TRIB2: variants seen among roughly 807,000 people sequenced by gnomAD.
TRIB2 encodes tribbles homolog 2.
TRIB2 carries 2 observed loss-of-function variants against 26.8 expected under a neutral mutation model. The observed-to-expected ratio is 0.07, with a 90% CI of 0.03 to 0.24. The LOEUF is 0.24. TRIB2 is among the 10% of genes least tolerant of loss of function. TRIB2 has a pLI of 1.00. For synonymous variants in TRIB2, 189 were observed against 187.3 expected (o/e 1.01, Z -0.08); for missense variants, 306 against 449.0 (o/e 0.68, Z 2.88).
At position 12,721,939 on chromosome 2, in the gene TRIB2, G is replaced by A. The variant is rs147268616; in HGVS notation, c.271-1321G>A. Among the ~76,000 whole-genome samples the A allele has an allele frequency of 1.3e-3, 200 of 152,294 alleles. 1 individual carries two copies. The highest frequency in any genetic ancestry group is 4.7e-3 in the African/African-American group (194 of 41,576). The stretch of plus-strand genomic sequence containing the variant: ...AATCCGGTATCGTGCATGCATTTGA[G>A]AACGGGCATTGTCAGCTAAGAGGGA... On this transcript the variant is annotated intron_variant, in intron 1 of 2. Coordinates refer to ENST00000155926, the MANE Select transcript of TRIB2 (RefSeq NM_021643.4).
chr2:12,733,002 C>G (rs1182415304), intron 2 of TRIB2, among the ~76,000 whole-genome samples: 1 of 152,244 alleles, frequency 6.6e-6, no homozygotes, highest in African/African-American at 2.4e-5. Flanking sequence ...AGCTCAGCCC[C>G]ACCCTGGCCC....
In TRIB2 at chr2:12,718,315, T is replaced by G; in HGVS notation, c.8T>G (p.Ile3Arg). MNIHRSTPITIAR... is the reference protein window; with the variant it reads MNRHRSTPITIAR... The stretch of plus-strand genomic sequence containing the variant: ...TGTGCGATCCTCACACTCATGAACA[T>G]ACACAGGTCTACCCCCATCACAATA... The change falls in exon 1 of 3, where the codon ATA becomes AGA. Residue 3 changes from isoleucine (I) to arginine (R), a missense_variant. Physicochemically the swap from Ile to Arg is moderately conservative, Grantham distance 97. Coordinates refer to ENST00000155926, the MANE Select transcript of TRIB2 (RefSeq NM_021643.4). The surrounding 1 kb of genome is among the most constrained non-coding windows in gnomAD (Gnocchi z 4.0). 6.2e-7 allele frequency: 1 copy of G among 1,613,718 alleles called. No individual in the cohort carries two copies. The highest frequency in any genetic ancestry group is 2.2e-5 in the East Asian group (1 of 44,864).
At chr2:12,734,026 T>C (rs552077354) in intron 2 of TRIB2, among the ~76,000 whole-genome samples, 130 of 152,028 alleles carry the variant, frequency 8.6e-4, no homozygotes, top group East Asian at 1.6e-3. Flanking sequence ...TGGGCCGTCA[T>C]TGAGTACACA....
rs1661490424 is a variant in TRIB2, at chr2:12,733,053, GTT to G, written c.564-7271_564-7270del. ...CTTCCTGCCAAGGGCCCACAGTGCT[GTT>G]TAAAGATTGGAAAATACGGCATGAT... is the stretch of plus-strand genomic sequence containing the variant. On this transcript the variant is annotated intron_variant, in intron 2 of 2. Transcript: ENST00000155926. 5.3e-5 allele frequency among the ~76,000 whole-genome samples: 8 copies of G among 152,186 alleles called. No individual in the cohort carries two copies. The South Asian group carries it at 1.0e-3, about 20-fold the overall frequency.
At chr2:12,723,138 G>A (rs72781578) in intron 1 of TRIB2, 122 bp from the exon 2 acceptor site, 91 of 1,142,408 alleles carry the variant, frequency 8.0e-5, no homozygotes, top group Non-Finnish European at 1.1e-4. Context: ...TGTGGTCTGG[G>A]TCCAAGTTCA....
intron 1 of TRIB2, among the ~76,000 whole-genome samples, chr2:12,722,936 C>T (rs2103250294): frequency 6.6e-6 from 1 of 152,284 alleles, no homozygotes; most frequent in South Asian, 2.1e-4. Flanking sequence ...GGGCTAGAGA[C>T]AAAAGTAATG....
chr2:12,730,008 C>T (rs952901363), intron 2 of TRIB2, among the ~76,000 whole-genome samples: 3 of 152,046 alleles, frequency 2.0e-5, no homozygotes, highest in Non-Finnish European at 4.4e-5. Context: ...CCCAACAGCC[C>T]GGAGATTCAA....
At chr2:12,720,373 A>G (rs1248333079) in intron 1 of TRIB2, among the ~76,000 whole-genome samples, 1 of 152,236 alleles carries the variant, frequency 6.6e-6, no homozygotes, top group Non-Finnish European at 1.5e-5. Context: ...TAAGTGCAGT[A>G]TCATTGTTCT....
Position 12,722,805 on chromosome 2 carries a change from A to G in TRIB2, c.271-455A>G, listed in dbSNP as rs144061272. Among the ~76,000 whole-genome samples, 94 of 152,298 alleles carry G rather than the reference A, an allele frequency of 6.2e-4. No individual in the cohort carries two copies. The East Asian group carries it at 0.017, about 28-fold the overall frequency. On this transcript the variant is annotated intron_variant, in intron 1 of 2. Coordinates refer to ENST00000155926, the MANE Select transcript of TRIB2 (RefSeq NM_021643.4). The stretch of plus-strand genomic sequence containing the variant: ...ATTCTCTTAGTTGCTCATGTGTTGT[A>G]TAATGCCTGTTTATGTGCATTTCTT...
At chr2:12,726,466 G>A (rs1418769850) in intron 2 of TRIB2, among the ~76,000 whole-genome samples, 1 of 152,146 alleles carries the variant, frequency 6.6e-6, no homozygotes, top group South Asian at 2.1e-4. Context: ...CAAGTGTCAG[G>A]GGCCCAGGAC....
intron 1 of TRIB2, among the ~76,000 whole-genome samples, chr2:12,719,316 G>A (rs376900570): frequency 6.6e-6 from 1 of 151,910 alleles, no homozygotes; most frequent in Non-Finnish European, 1.5e-5. Flanking sequence ...AGAGGCTCCC[G>A]TTTGGAGCCC....
chr2:12,737,281 C>G (rs1661601707), intron 2 of TRIB2: 1 of 154,826 alleles, frequency 6.5e-6, no homozygotes, highest in African/African-American at 2.4e-5. Context: ...TTTCTTCTTA[C>G]TATTATTTCC....
chr2:12,729,268 G>A (rs1440663273), intron 2 of TRIB2, among the ~76,000 whole-genome samples: 2 of 152,176 alleles, frequency 1.3e-5, no homozygotes, highest in Non-Finnish European at 2.9e-5. Flanking sequence ...TCCCCTGCTG[G>A]GGGCTTCCTG....
rs1201538533 is a variant in TRIB2 at position 12,741,052 on chromosome 2, C to T, written c.*258C>T. 1 of 454,362 alleles carries T rather than the reference C, an allele frequency of 2.2e-6. No homozygotes were observed. Among genetic ancestry groups the T allele is most frequent in the South Asian group, 3.4e-5 (1 of 29,026 alleles). The allele number at this position is 454,362 out of a possible 1,614,324, so 28.1% of individuals were successfully genotyped here. ...CCCTAACATAGCCTGGGAGACCACC[C>T]CTTGCCACTTGGGCCACTTCCGCCT... On this transcript the variant is annotated 3_prime_UTR_variant, in exon 3 of 3. Coordinates refer to ENST00000155926, the MANE Select transcript of TRIB2 (RefSeq NM_021643.4).
chr2:12,740,205 C>A lies in TRIB2; in HGVS notation c.564-121C>A. On this transcript the variant is annotated intron_variant, in intron 2 of 2. Coordinates refer to ENST00000155926, the MANE Select transcript of TRIB2 (RefSeq NM_021643.4). The surrounding 1 kb of genome is among the most constrained non-coding windows in gnomAD (Gnocchi z 5.8). ...TAATGTTTGGCTGGTCAGATGAATGCGTGAATGAATGAATGTGAATGAGGA... is the reference window on the plus strand; with the variant it reads ...TAATGTTTGGCTGGTCAGATGAATGAGTGAATGAATGAATGTGAATGAGGA... 2.1e-6 allele frequency: 2 copies of A among 970,396 alleles called. No homozygotes were observed. Among genetic ancestry groups the A allele is most frequent in the Admixed American group, 2.4e-5 (1 of 42,336 alleles). 60.1% of individuals were successfully genotyped at this position (970,396 alleles called of 1,614,324 possible).
Position 12,740,830 on chromosome 2 carries a change from G to A in TRIB2, c.*36G>A, listed in dbSNP as rs775198683. 3.8e-6 allele frequency: 6 copies of A among 1,579,920 alleles called. No individual in the cohort carries two copies. In the East Asian group the frequency reaches 9.0e-5, roughly 24 times the overall value. ...CACGGAGACTTAGCAGGTTCCAGGA[G>A]TGAGCGAGGGCAGCGGAAAGGAGTT... On this transcript the variant is annotated 3_prime_UTR_variant, in exon 3 of 3. Transcript: ENST00000155926. This position sits in a 1 kb window ranked among gnomAD's most constrained non-coding sequence, Gnocchi z 5.8.
In TRIB2 at chr2:12,740,860, C is replaced by G; in HGVS notation, c.*66C>G. 1 of 1,430,694 alleles carries G rather than the reference C, an allele frequency of 7.0e-7. No individual in the cohort carries two copies. The highest frequency in any genetic ancestry group is 9.6e-7 in the Non-Finnish European group (1 of 1,042,840). 88.6% of individuals were successfully genotyped at this position (1,430,694 alleles called of 1,614,324 possible). Reference sequence around the variant, plus strand: ...CGAGGGCAGCGGAAAGGAGTTCTTCCGGGGGACACGAATTGCCTGGCTGAG... The same window carrying G: ...CGAGGGCAGCGGAAAGGAGTTCTTCGGGGGGACACGAATTGCCTGGCTGAG... On this transcript the variant is annotated 3_prime_UTR_variant, in exon 3 of 3. Transcript: ENST00000155926. This position sits in a 1 kb window ranked among gnomAD's most constrained non-coding sequence, Gnocchi z 5.8.
intron 2 of TRIB2, among the ~76,000 whole-genome samples, chr2:12,729,222 C>T (rs1426166746): frequency 6.6e-6 from 1 of 152,202 alleles, no homozygotes; most frequent in East Asian, 1.9e-4. Context: ...CTGCTGTATT[C>T]TGATGGCCCG....
rs1445718183 is a variant in TRIB2 at position 12,718,917 on chromosome 2, G to GC, written c.270+345dup. Among the ~76,000 whole-genome samples, 3 of 152,094 alleles carry GC rather than the reference G, an allele frequency of 2.0e-5. No homozygotes were observed. Among genetic ancestry groups the GC allele is most frequent in the African/African-American group, 4.8e-5 (2 of 41,404 alleles). On this transcript the variant is annotated intron_variant, in intron 1 of 2. Transcript: ENST00000155926. The surrounding 1 kb of genome is among the most constrained non-coding windows in gnomAD (Gnocchi z 4.0). ...CGGGGGGGATTTCTTCCTGTGTCTA[G>GC]CCCCCTCCCCTTCCAACAAGGATTA...
Sources: allele counts gnomAD v4.1 joint callset (sites outside exome capture counted in the v4.1 genomes callset), GRCh38; gene constraint gnomAD v4.1.1; non-coding constraint Gnocchi (gnomAD v3.1); transcripts MANE v1.5; gene names NCBI Gene and HGNC (gene_info 2026-07-23, HGNC 2026-07-21).